The following TENM4 variants were observed in gnomAD, a reference collection of about 807,000 sequenced individuals.
TENM4 encodes teneurin transmembrane protein 4, also known as teneurin-4.
In TENM4, 82 loss-of-function variants were observed where a neutral mutation model predicts 243.3. The ratio of observed to expected loss-of-function variants is 0.34; its 90% CI spans 0.28 to 0.40. The LOEUF is 0.40. TENM4 is among the 10% of genes least tolerant of loss of function. TENM4 has a pLI of 1.00. For synonymous variants in TENM4, 1,412 were observed against 1,456.3 expected (o/e 0.97, Z 0.69); for missense variants, 3,138 against 3,673.3 (o/e 0.85, Z 3.77).
At chr11:79,281,925 T>G (rs1856164023) in intron 2 of TENM4, among the ~76,000 whole-genome samples, 1 of 152,216 alleles carries the variant, frequency 6.6e-6, no homozygotes, top group South Asian at 2.1e-4. Flanking sequence ...GAATGTGCAG[T>G]TAGACTCTTC....
At chr11:78,756,151 C>T (rs1363845613) in intron 19 of TENM4, 1 of 152,648 alleles carries the variant, frequency 6.6e-6, no homozygotes, top group Non-Finnish European at 1.5e-5. Context: ...TGGCCTCCCT[C>T]CTACCCAGGA....
chr11:78,923,584 C>T (rs1385841955), intron 6 of TENM4, among the ~76,000 whole-genome samples: 2 of 151,106 alleles, frequency 1.3e-5, no homozygotes, highest in Non-Finnish European at 2.9e-5. Flanking sequence ...GTCCCCCAGG[C>T]TGGAGTGTAG....
intron 18 of TENM4, among the ~76,000 whole-genome samples, chr11:78,763,246 C>T (rs182226566): frequency 7.9e-5 from 12 of 152,312 alleles, no homozygotes; most frequent in Non-Finnish European, 1.2e-4. Flanking sequence ...GTTCTAAACA[C>T]ACACCCCCTT....
At chr11:78,922,666 G>C (rs937448460) in intron 6 of TENM4, among the ~76,000 whole-genome samples, 1 of 152,170 alleles carries the variant, frequency 6.6e-6, no homozygotes, top group Non-Finnish European at 1.5e-5. Context: ...AGAGAATCCC[G>C]GTCAAACACG....
intron 3 of TENM4, among the ~76,000 whole-genome samples, chr11:79,194,682 A>G (rs574526086): frequency 2.6e-5 from 4 of 152,318 alleles, no homozygotes; most frequent in African/African-American, 9.6e-5. Context: ...AGCATTCAAG[A>G]GGTGACTTGG....
At chr11:79,248,319 C>T (rs1305569436) in intron 2 of TENM4, among the ~76,000 whole-genome samples, 1 of 152,210 alleles carries the variant, frequency 6.6e-6, no homozygotes, top group Non-Finnish European at 1.5e-5. Context: ...ACCTCTCCTT[C>T]CTGAAGGTTC....
chr11:78,893,273 A>G (rs1445269122), intron 7 of TENM4, among the ~76,000 whole-genome samples: 2 of 152,200 alleles, frequency 1.3e-5, no homozygotes, highest in African/African-American at 4.8e-5. Context: ...GCCCAATGGG[A>G]GGCATACAGG....
At position 79,215,837 on chromosome 11, in the gene TENM4, T is replaced by A; in HGVS notation, c.-192A>T. 1.0e-6 allele frequency: 1 copy of A among 985,380 alleles called. No homozygotes were observed. Among genetic ancestry groups the A allele is most frequent in the Non-Finnish European group, 1.2e-6 (1 of 829,882 alleles). 61.0% of individuals were successfully genotyped at this position (985,380 alleles called of 1,614,324 possible). On this transcript the variant is annotated 5_prime_UTR_variant, in exon 3 of 34. Transcript: ENST00000278550. ...CTCCATGTCAGCACGTTCTGAAGAG[T>A]CAGCAATGTCCGTGGGCCCTGCAGC...
At chr11:79,416,256 T>C (rs1165678714) in intron 1 of TENM4, among the ~76,000 whole-genome samples, 1 of 152,184 alleles carries the variant, frequency 6.6e-6, no homozygotes. Context: ...GGTAAATACC[T>C]AGGAGTGGAA....
intron 4 of TENM4, among the ~76,000 whole-genome samples, chr11:79,133,517 C>A (rs937201951): frequency 6.6e-6 from 1 of 152,062 alleles, no homozygotes; most frequent in African/African-American, 2.4e-5. Flanking sequence ...CCAGCACCAC[C>A]CTAACCCAAA....
chr11:78,658,661 C>T lies in TENM4; in HGVS notation c.7707G>A (p.Gly2569=). Residue 2569 remains glycine (G), a synonymous_variant, in exon 34 of 34, where the codon GGG becomes GGA. Coordinates refer to ENST00000278550, the MANE Select transcript of TENM4 (RefSeq NM_001098816.3). ...GGCCATCCTTCAAGGCAAACTTGAC[C>T]CCCTTGCCAAAGACTGAGCCGCTGG... The part of the protein sequence containing the change: ...FASSGSVFGK[G]VKFALKDGRV... The T allele has an allele frequency of 6.2e-7, 1 of 1,614,010 alleles. No homozygotes were observed. Among genetic ancestry groups the T allele is most frequent in the African/African-American group, 1.3e-5 (1 of 75,034 alleles).
At chr11:79,403,785 G>T (rs1213715887) in intron 1 of TENM4, among the ~76,000 whole-genome samples, 2 of 152,144 alleles carry the variant, frequency 1.3e-5, no homozygotes, top group Non-Finnish European at 2.9e-5. Context: ...TAGAAGCAAA[G>T]CTATGAGGCC....
At chr11:79,166,064 C>T (rs189618446) in intron 3 of TENM4, among the ~76,000 whole-genome samples, 12 of 152,236 alleles carry the variant, frequency 7.9e-5, no homozygotes, top group African/African-American at 2.6e-4. Context: ...TAGGGAGTGT[C>T]CTTAAGGTCC....
At chr11:79,299,712 G>A (rs559181208) in intron 1 of TENM4, among the ~76,000 whole-genome samples, 5 of 152,300 alleles carry the variant, frequency 3.3e-5, no homozygotes, top group East Asian at 1.9e-4. Context: ...CATTGCCACC[G>A]CAAATGAGTA....
At chr11:79,375,831 T>C (rs1415595596) in intron 1 of TENM4, among the ~76,000 whole-genome samples, 1 of 152,138 alleles carries the variant, frequency 6.6e-6, no homozygotes, top group Non-Finnish European at 1.5e-5. Flanking sequence ...GAGGGGTATA[T>C]GTATGCAAAA....
At chr11:78,784,384 A>G (rs1565377595) in intron 16 of TENM4, among the ~76,000 whole-genome samples, 1 of 152,164 alleles carries the variant, frequency 6.6e-6, no homozygotes, top group South Asian at 2.1e-4. Context: ...CTTATATCCT[A>G]CAGGGTTATT....
intron 4 of TENM4, among the ~76,000 whole-genome samples, chr11:79,130,018 G>T (rs956780463): frequency 8.5e-5 from 13 of 152,104 alleles, no homozygotes. Context: ...AACAGGCACT[G>T]GTATACACCA....
chr11:78,915,325 T>C (rs534090478), intron 6 of TENM4, among the ~76,000 whole-genome samples: 1 of 152,288 alleles, frequency 6.6e-6, no homozygotes, highest in East Asian at 1.9e-4. Context: ...GTTATCACCA[T>C]TTGTTTACGG....
chr11:79,291,387 T>G (rs1336964916), intron 2 of TENM4, among the ~76,000 whole-genome samples: 1 of 152,166 alleles, frequency 6.6e-6, no homozygotes, highest in Admixed American at 6.5e-5. Context: ...TAATAATTGC[T>G]GTGGTACAGG....
Sources: gnomAD v4.1 joint callset for allele counts (sites outside exome capture counted in the v4.1 genomes callset) on GRCh38, gnomAD v4.1.1 for gene constraint, MANE v1.5 for transcripts, NCBI Gene and HGNC (gene_info 2026-07-23, HGNC 2026-07-21) for gene names.